Variants in FAM200A observed in about 807,000 individuals in gnomAD.
FAM200A encodes the protein protein FAM200A.
FAM200A carries 26 observed loss-of-function variants against 44.2 expected under a neutral mutation model. The ratio of observed to expected loss-of-function variants is 0.59; its 90% CI spans 0.43 to 0.82. The LOEUF (loss-of-function observed/expected upper bound fraction) is 0.82. Among genes scored for constraint, FAM200A ranks in the 40% least tolerant of loss-of-function variants. The probability of loss-of-function intolerance (pLI) is 0.00; values close to 1 mark genes in which losing one functional copy is unlikely to be tolerated. For missense variants in FAM200A, 606 were observed against 669.5 expected, an observed-to-expected ratio of 0.91 and a Z score of 1.05; for synonymous variants, 206 against 244.4, an observed-to-expected ratio of 0.84 and a Z score of 1.47.
upstream of FAM200A, chr7:99,552,133 A>T (rs1802551198): frequency 1.0e-6 from 1 of 985,362 alleles, no homozygotes; most frequent in African/African-American, 1.7e-5. Flanking sequence ...GAAGTGCGTC[A>T]CACCCGCCTT....
At chr7:99,548,886 T>TG (rs941592303) in intron 1 of FAM200A, among the ~76,000 whole-genome samples, 29 of 139,986 alleles carry the variant, frequency 2.1e-4, no homozygotes, top group Middle Eastern at 3.4e-3. Flanking sequence ...CTTTTTTTTT[T>TG]TTTTTTTTTT....
exon 1 of FAM200A, chr7:99,558,495 T>G (rs1417365657): frequency 6.6e-6 from 1 of 152,342 alleles, no homozygotes; most frequent in Non-Finnish European, 1.5e-5. Flanking sequence ...CTTCGAATCA[T>G]GGACGCGCGG....
intron 1 of FAM200A, 122 bp from the exon 2 acceptor site, chr7:99,548,628 C>T (rs1235085504): frequency 4.9e-6 from 4 of 821,182 alleles, no homozygotes; most frequent in Non-Finnish European, 7.3e-6. Flanking sequence ...GAGCAACTGT[C>T]ATTCATGTTG....
chr7:99,558,149 C>G (rs759037967), intron 1 of FAM200A, among the ~76,000 whole-genome samples: 48 of 152,148 alleles, frequency 3.2e-4, no homozygotes, highest in Non-Finnish European at 4.3e-4. Context: ...GATTTCGATC[C>G]CACAACTTAG....
intron 1 of FAM200A, among the ~76,000 whole-genome samples, chr7:99,550,850 G>T (rs1056316679): frequency 3.9e-5 from 6 of 152,108 alleles, no homozygotes; most frequent in African/African-American, 1.4e-4. Context: ...CGAGGCGGGC[G>T]GATCACCTGA....
chr7:99,549,658 A>G (rs1802484627), intron 1 of FAM200A, among the ~76,000 whole-genome samples: 1 of 152,242 alleles, frequency 6.6e-6, no homozygotes, highest in Admixed American at 6.5e-5. Flanking sequence ...CCAAACATCC[A>G]TCAATGATAG....
At chr7:99,556,382 TCTC>T (rs2151134036), upstream of FAM200A, among the ~76,000 whole-genome samples, 1 of 152,242 alleles carries the variant, frequency 6.6e-6, no homozygotes, top group East Asian at 1.9e-4. Flanking sequence ...GCACAATTGG[TCTC>T]CTTTACATTA....
chr7:99,554,229 T>G (rs1802632415), upstream of FAM200A, among the ~76,000 whole-genome samples: 2 of 151,912 alleles, frequency 1.3e-5, no homozygotes, highest in African/African-American at 4.8e-5. Context: ...ACCTGTAATG[T>G]CAGCACTTTG....
rs1221687088 is a variant in FAM200A at position 99,549,869 on chromosome 7, G to A, written c.-99-1363C>T. On this transcript the variant is annotated intron_variant, in intron 1 of 1. Transcript: ENST00000449309. ...AACAATGAGAACACTTGGACACAGG[G>A]TGGGGAACATCACACAGTGGGGCCT... 3.3e-5 allele frequency among the ~76,000 whole-genome samples: 5 copies of A among 152,092 alleles called. No homozygotes were observed. The East Asian group carries it at 9.7e-4, about 29-fold the overall frequency.
chr7:99,546,508 G>A lies in FAM200A; in HGVS notation c.*178C>T. On this transcript the variant is annotated 3_prime_UTR_variant, in exon 2 of 2. Transcript: ENST00000449309. Reference sequence around the variant, plus strand: ...CTCAGGCACCCAAGTAACTGGGACTGCAGGCATGTGCCACCACGCCTGGCT... The same window carrying A: ...CTCAGGCACCCAAGTAACTGGGACTACAGGCATGTGCCACCACGCCTGGCT... 3.8e-6 allele frequency: 2 copies of A among 529,456 alleles called. No individual in the cohort carries two copies. Among genetic ancestry groups the A allele is most frequent in the East Asian group, 3.5e-5 (1 of 28,698 alleles). 32.8% of individuals were successfully genotyped at this position (529,456 alleles called of 1,614,324 possible).
chr7:99,548,306 GTCT>G lies in FAM200A; in HGVS notation c.99_101del (p.Glu33del). On this transcript the variant is annotated inframe_deletion, in exon 2 of 2. Coordinates refer to ENST00000449309, the MANE Select transcript of FAM200A (RefSeq NM_145111.4). ...CTTTGTTTCTTTCCTTTTGAAAATG[GTCT>G]TCTTCATCTTCCTCCTCCACCTTCA... The G allele has an allele frequency of 2.5e-6, 4 of 1,614,114 alleles. No individual in the cohort carries two copies. The highest frequency in any genetic ancestry group is 1.1e-5 in the South Asian group (1 of 91,080).
Position 99,547,313 on chromosome 7 carries a change from GT to G in FAM200A, c.1094del (p.Asn365ThrfsTer12), listed in dbSNP as rs1268664972. On this transcript the variant is annotated frameshift_variant, in exon 2 of 2. Transcript: ENST00000449309. LOFTEE classifies it high-confidence loss of function. ...NELSLKMQGKNNDIFQYLEHI... is the reference protein window; with the variant it reads ...NELSLKMQGKXNDIFQYLEHI... ...GTTCAAGATACTGAAATATATCATT[GT>G]TTTTCCCCTGCATTTTCAGGCTTAA... is the stretch of plus-strand genomic sequence containing the variant. 6.4e-7 allele frequency: 1 copy of G among 1,550,410 alleles called. No homozygotes were observed. Among genetic ancestry groups the G allele is most frequent in the African/African-American group, 1.4e-5 (1 of 73,130 alleles).
chr7:99,556,284 G>A (rs189132367), upstream of FAM200A, among the ~76,000 whole-genome samples: 2 of 152,194 alleles, frequency 1.3e-5, no homozygotes, highest in East Asian at 1.9e-4. Flanking sequence ...AAGTTCCTGC[G>A]GACTACACTG....
At position 99,548,220 on chromosome 7, in the gene FAM200A, G is replaced by C. The variant is rs1271047954; in HGVS notation, c.188C>G (p.Ser63Ter). The part of the protein sequence containing the change: ...STTMNERALL[S>*]SYLVAYRVAK... ...CACTCTATATGCAACTAAATACGATGACAATAAGGCTCTCTCATTCATAGT... is the reference window on the plus strand; with the variant it reads ...CACTCTATATGCAACTAAATACGATCACAATAAGGCTCTCTCATTCATAGT... The change falls in exon 2 of 2, where the codon TCA (serine) becomes TGA (stop). Residue 63 changes from serine to a stop codon, truncating the protein, a stop_gained. Coordinates refer to ENST00000449309, the MANE Select transcript of FAM200A (RefSeq NM_145111.4). LOFTEE classifies it high-confidence loss of function. 6.3e-7 allele frequency: 1 copy of C among 1,596,202 alleles called. No individual in the cohort carries two copies. Among genetic ancestry groups the C allele is most frequent in the Admixed American group, 1.8e-5 (1 of 56,486 alleles).
At chr7:99,553,008 T>C (rs1392871648), upstream of FAM200A, among the ~76,000 whole-genome samples, 2 of 137,904 alleles carry the variant, frequency 1.5e-5, no homozygotes, top group African/African-American at 2.9e-5. Flanking sequence ...TACACACACA[T>C]ATATATACAC....
chr7:99,551,872 C>T lies in FAM200A; in HGVS notation c.-118G>A, dbSNP rs547633116. The T allele has an allele frequency of 2.7e-4, 264 of 985,544 alleles. 1 individual carries two copies. In the African/African-American group the frequency reaches 4.4e-3, roughly 16 times the overall value. The allele number at this position is 985,544 out of a possible 1,614,324, so 61.0% of individuals were successfully genotyped here. A position where few individuals can be genotyped will look rare whatever the true frequency, so the allele number is the denominator to read the frequency against. ...TTCCCACCTGTATCCAGGGACACCT[C>T]TGCTGGGGGACAGCGCTTGCCACCG... On this transcript the variant is annotated 5_prime_UTR_variant, in exon 1 of 2. Transcript: ENST00000449309.
upstream of FAM200A, among the ~76,000 whole-genome samples, chr7:99,553,369 G>C (rs1255297509): frequency 6.6e-6 from 1 of 151,964 alleles, no homozygotes; most frequent in Non-Finnish European, 1.5e-5. Flanking sequence ...GGTCCAGGAA[G>C]GCAGATTACT....
At chr7:99,557,203 C>CT (rs904501103) in intron 1 of FAM200A, among the ~76,000 whole-genome samples, 71 of 152,282 alleles carry the variant, frequency 4.7e-4, no homozygotes, top group African/African-American at 1.7e-3. Context: ...GAAGTGGCCT[C>CT]TTTAAGTGGG....
chr7:99,546,684 A>T lies in FAM200A; in HGVS notation c.*2T>A. The T allele has an allele frequency of 4.0e-6, 6 of 1,506,266 alleles. No homozygotes were observed. Among genetic ancestry groups the T allele is most frequent in the Non-Finnish European group, 5.3e-6 (6 of 1,129,082 alleles). The allele number at this position is 1,506,266 out of a possible 1,614,324, so 93.3% of individuals were successfully genotyped here. A position where few individuals can be genotyped will look rare whatever the true frequency, so the allele number is the denominator to read the frequency against. On this transcript the variant is annotated 3_prime_UTR_variant, in exon 2 of 2. Transcript: ENST00000449309. The stretch of plus-strand genomic sequence containing the variant: ...ATACACAGAATTTTGTAAAGTTTGT[A>T]TTTAATGTGATGGGTGTGCTTGTCT...
Sources: gnomAD v4.1 joint callset for allele counts (sites outside exome capture counted in the v4.1 genomes callset) on GRCh38, gnomAD v4.1.1 for gene constraint, MANE v1.5 for transcripts, NCBI Gene and HGNC (gene_info 2026-07-23, HGNC 2026-07-21) for gene names.